Variants in LRGUK observed in about 807,000 individuals in gnomAD.
The protein encoded by LRGUK is leucine-rich repeat and guanylate kinase domain-containing protein.
In LRGUK, 65 loss-of-function variants were observed where a neutral mutation model predicts 76.0. That is an observed-to-expected ratio of 0.85 (90% CI 0.70 to 1.05). LRGUK has a LOEUF of 1.05. LRGUK is among the 50% of genes least tolerant of loss of function. The pLI is 0.00. For synonymous variants in LRGUK, 268 were observed against 265.6 expected (o/e 1.01, Z -0.09); for missense variants, 758 against 732.8 (o/e 1.03, Z -0.40).
intron 5 of LRGUK, among the ~76,000 whole-genome samples, chr7:134,155,161 A>G (rs1278776345): frequency 6.6e-6 from 1 of 152,192 alleles, no homozygotes; most frequent in Non-Finnish European, 1.5e-5. Context: ...TTTTCCTTGC[A>G]TAGTTTTTGT....
intron 1 of LRGUK, among the ~76,000 whole-genome samples, chr7:134,128,603 G>A (rs950946941): frequency 2.0e-5 from 3 of 152,336 alleles, no homozygotes; most frequent in Non-Finnish European, 4.4e-5. Context: ...AGGCGGGAGT[G>A]CAGTGGTGCG....
At chr7:134,210,725 A>G (rs571442888), downstream of LRGUK, among the ~76,000 whole-genome samples, 1 of 152,286 alleles carries the variant, frequency 6.6e-6, no homozygotes, top group Admixed American at 6.5e-5. Context: ...TGAGCCCCCA[A>G]CCCAGCAGCC....
At chr7:134,214,775 A>AACACACAC (rs56096728), downstream of LRGUK, among the ~76,000 whole-genome samples, 385 of 146,842 alleles carry the variant, frequency 2.6e-3, 1 homozygote, top group African/African-American at 7.7e-3. Flanking sequence ...ATTAAATTTA[A>AACACACAC]ACACACACAC....
intron 18 of LRGUK, among the ~76,000 whole-genome samples, chr7:134,255,746 C>T (rs543817645): frequency 2.0e-5 from 3 of 150,814 alleles, no homozygotes; most frequent in Non-Finnish European, 4.4e-5. Flanking sequence ...CTGAGGGGTT[C>T]GCCTACATTT....
intron 16 of LRGUK, among the ~76,000 whole-genome samples, chr7:134,246,567 G>A (rs372337480): frequency 1.8e-4 from 27 of 152,316 alleles, no homozygotes; most frequent in African/African-American, 3.4e-4. Flanking sequence ...TTTCACTATC[G>A]TCTGTCCTTT....
exon 15 of LRGUK, chr7:134,201,542 T>C (rs770315811): frequency 6.2e-7 from 1 of 1,613,938 alleles, no homozygotes. Context: ...TTGGATTGAC[T>C]GAGGAACCTG....
chr7:134,181,797 C>T (rs746932058), intron 10 of LRGUK, among the ~76,000 whole-genome samples: 1 of 152,116 alleles, frequency 6.6e-6, no homozygotes, highest in Non-Finnish European at 1.5e-5. Flanking sequence ...TATAGCAGAA[C>T]ATTAAAACAA....
intron 16 of LRGUK, among the ~76,000 whole-genome samples, chr7:134,241,225 G>A (rs1163315610): frequency 2.0e-5 from 3 of 152,104 alleles, no homozygotes; most frequent in Non-Finnish European, 4.4e-5. Context: ...ATGTAAATGG[G>A]CTAAATGCTC....
At chr7:134,142,570 G>A (rs1797808945) in intron 3 of LRGUK, among the ~76,000 whole-genome samples, 1 of 151,618 alleles carries the variant, frequency 6.6e-6, no homozygotes, top group Non-Finnish European at 1.5e-5. Flanking sequence ...CGATCTAGTG[G>A]TAAGTCCAAC....
At chr7:134,269,244 T>C (rs1480703172), downstream of LRGUK, among the ~76,000 whole-genome samples, 1 of 152,176 alleles carries the variant, frequency 6.6e-6, no homozygotes, top group Non-Finnish European at 1.5e-5. Context: ...GTGTGTTGTT[T>C]CATTTCCAGA....
chr7:134,177,258 T>C (rs1799522394), intron 9 of LRGUK, among the ~76,000 whole-genome samples, 195 bp downstream of exon 9: 1 of 152,158 alleles, frequency 6.6e-6, no homozygotes, highest in Non-Finnish European at 1.5e-5. Context: ...TCAACACAAA[T>C]GCAGTGAAAG....
chr7:134,128,092 C>T (rs1239086355), intron 1 of LRGUK, among the ~76,000 whole-genome samples: 5 of 145,960 alleles, frequency 3.4e-5, no homozygotes, highest in East Asian at 4.1e-4. Flanking sequence ...GTTCTAGTCC[C>T]GTCAGCCTCC....
intron 9 of LRGUK, 62 bp downstream of exon 9, chr7:134,177,125 G>T (rs1037972495): frequency 2.1e-6 from 2 of 936,810 alleles, no homozygotes; most frequent in Admixed American, 2.3e-5. Flanking sequence ...AAAAGCTCGT[G>T]TTGCCTGCTG....
intron 16 of LRGUK, among the ~76,000 whole-genome samples, chr7:134,237,019 C>A (rs1232578370): frequency 2.0e-5 from 3 of 150,100 alleles, no homozygotes; most frequent in Admixed American, 1.3e-4. Flanking sequence ...TCAGTTCTTA[C>A]AGGATCAGCA....
chr7:134,127,392 C>T, exon 1 of LRGUK: 3 of 1,613,310 alleles, frequency 1.9e-6, no homozygotes, highest in Non-Finnish European at 2.5e-6. Context: ...GAGGGCTCTC[C>T]TGAGGACCAG....
At chr7:134,169,897 G>A (rs1330636771) in intron 7 of LRGUK, among the ~76,000 whole-genome samples, 2 of 151,836 alleles carry the variant, frequency 1.3e-5, no homozygotes, top group African/African-American at 4.8e-5. Flanking sequence ...ACCATTACTG[G>A]ATATAGGCAT....
intron 10 of LRGUK, among the ~76,000 whole-genome samples, chr7:134,182,398 T>C (rs1799793573): frequency 6.6e-6 from 1 of 152,236 alleles, no homozygotes; most frequent in Non-Finnish European, 1.5e-5. Flanking sequence ...GTTCACTTGC[T>C]CTCAGATCTG....
At chr7:134,138,675 T>C (rs1169153647) in intron 2 of LRGUK, among the ~76,000 whole-genome samples, 2 of 152,182 alleles carry the variant, frequency 1.3e-5, no homozygotes, top group East Asian at 3.9e-4. Flanking sequence ...TGACTCTTCA[T>C]TGGTTTGCTT....
intron 6 of LRGUK, among the ~76,000 whole-genome samples, chr7:134,162,533 G>A (rs536205150): frequency 5.3e-4 from 81 of 152,188 alleles, no homozygotes; most frequent in African/African-American, 1.9e-3. Flanking sequence ...AGGTTTAAGA[G>A]GAGGGGACCA....
Sources: allele counts gnomAD v4.1 joint callset (sites outside exome capture counted in the v4.1 genomes callset), GRCh38; gene constraint gnomAD v4.1.1; transcripts MANE v1.5; gene names NCBI Gene and HGNC (gene_info 2026-07-23, HGNC 2026-07-21).